Variants in PRPF31 observed in about 807,000 individuals in gnomAD.
PRPF31 encodes U4/U6 small nuclear ribonucleoprotein Prp31.
Under a neutral mutation model 60.4 loss-of-function variants are expected in PRPF31, and 12 were observed. The observed-to-expected ratio is 0.20, with a 90% CI of 0.13 to 0.32. The LOEUF (loss-of-function observed/expected upper bound fraction) is 0.32, where lower values mean the gene tolerates loss of function less well. PRPF31 is among the 10% of genes least tolerant of loss of function. The pLI is 1.00. For missense variants in PRPF31, 431 were observed against 687.1 expected, an observed-to-expected ratio of 0.63 and a Z score of 4.17; for synonymous variants, 287 against 287.9, an observed-to-expected ratio of 1.00 and a Z score of 0.03.
chr19:54,119,147 C>T (rs997534665), intron 3 of PRPF31, among the ~76,000 whole-genome samples: 2 of 152,096 alleles, frequency 1.3e-5, no homozygotes, highest in East Asian at 3.9e-4. Flanking sequence ...CTTTGGGAGG[C>T]GGAGGCAGGT....
At chr19:54,123,063 T>C in intron 5 of PRPF31, 1 of 452,820 alleles carries the variant, frequency 2.2e-6, no homozygotes, top group South Asian at 2.2e-5. Context: ...CAGGTGTGCG[T>C]GAGGGCGGGG....
At chr19:54,128,277 C>A in intron 10 of PRPF31, 28 bp from the exon 11 acceptor site, 1 of 1,551,532 alleles carries the variant, frequency 6.4e-7, no homozygotes, top group Non-Finnish European at 8.7e-7. Context: ...AGCCGACTCC[C>A]TGGCGCCGCC....
intron 1 of PRPF31, among the ~76,000 whole-genome samples, chr19:54,117,725 C>T (rs2073685181): frequency 6.6e-6 from 1 of 151,408 alleles, no homozygotes; most frequent in Admixed American, 6.6e-5. Context: ...GTGGCAGGTG[C>T]CTGTAGTCCC....
At chr19:54,120,890 A>G (rs1397199587) in intron 3 of PRPF31, among the ~76,000 whole-genome samples, 2 of 152,146 alleles carry the variant, frequency 1.3e-5, no homozygotes, top group African/African-American at 4.8e-5. Context: ...CTGGGATTAC[A>G]GGTATGAGCC....
chr19:54,117,740 A>AGGTGC, intron 1 of PRPF31, among the ~76,000 whole-genome samples: 1 of 151,934 alleles, frequency 6.6e-6, no homozygotes, highest in Admixed American at 6.6e-5. Context: ...AGTCCCAGCT[A>AGGTGC]CTCAGGAGGC....
chr19:54,118,157 G>A, intron 1 of PRPF31, 114 bp from the exon 2 acceptor site: 3 of 1,436,496 alleles, frequency 2.1e-6, no homozygotes, highest in Non-Finnish European at 2.0e-6. Context: ...GAGCCTGCAT[G>A]CTAGTGGGGT....
intron 11 of PRPF31, among the ~76,000 whole-genome samples, chr19:54,128,670 G>A (rs187106635): frequency 1.4e-3 from 213 of 152,186 alleles, no homozygotes; most frequent in Non-Finnish European, 2.3e-3. Context: ...CCTGCTGCAC[G>A]GCCGCCCCGT....
rs142560628 is a variant in PRPF31, at chr19:54,118,374, C to T, written c.96C>T (p.Ile32=). 33 of 1,613,864 alleles carry T rather than the reference C, an allele frequency of 2.0e-5. No individual in the cohort carries two copies. The highest frequency in any genetic ancestry group is 6.7e-5 in the East Asian group (3 of 44,900). The part of the protein sequence containing the change: ...SYGEEEEEPA[I]EDVQEETQLD... Reference sequence around the variant, plus strand: ...GGGAGGAAGAAGAGGAGCCAGCGATCGAGGATGTGCAGGAGGAGACACAGC... The same window carrying T: ...GGGAGGAAGAAGAGGAGCCAGCGATTGAGGATGTGCAGGAGGAGACACAGC... The change falls in exon 2 of 14, where the codon ATC becomes ATT. Residue 32 remains isoleucine, a synonymous_variant. Coordinates refer to ENST00000321030, the MANE Select transcript of PRPF31 (RefSeq NM_015629.4).
chr19:54,124,866 C>G, intron 8 of PRPF31: 1 of 627,408 alleles, frequency 1.6e-6, no homozygotes, highest in East Asian at 2.8e-5. Flanking sequence ...GAGGCATGAG[C>G]GCCCTGTGCC....
At chr19:54,125,603 C>G (rs1471502007) in intron 8 of PRPF31, among the ~76,000 whole-genome samples, 1 of 152,160 alleles carries the variant, frequency 6.6e-6, no homozygotes. Flanking sequence ...GCCCTGTGCC[C>G]TGCCTGGCCT....
intron 9 of PRPF31, 40 bp from the exon 10 acceptor site, chr19:54,128,033 C>T: frequency 1.9e-6 from 3 of 1,548,176 alleles, no homozygotes; most frequent in Non-Finnish European, 1.7e-6. Flanking sequence ...GTGGGCAGCC[C>T]ACGCGAGCAG....
chr19:54,122,192 C>T, intron 4 of PRPF31: 1 of 628,302 alleles, frequency 1.6e-6, no homozygotes, highest in Admixed American at 2.5e-5. Context: ...TGTTGGTCGG[C>T]CACCTGCCTC....
chr19:54,127,420 C>G (rs2073947033), intron 9 of PRPF31, among the ~76,000 whole-genome samples: 1 of 152,092 alleles, frequency 6.6e-6, no homozygotes, highest in South Asian at 2.1e-4. Flanking sequence ...TTTAAGGGCC[C>G]CTGTGGCTAT....
rs587693564 is a variant in PRPF31 at position 54,129,051 on chromosome 19, C to T, written c.1147-6C>T. On this transcript the variant is annotated splice_polypyrimidine_tract_variant and splice_region_variant and intron_variant, in intron 11 of 13. Coordinates refer to ENST00000321030, the MANE Select transcript of PRPF31 (RefSeq NM_015629.4). ...TGAACTGCAGGGCGCCTCCTCTCCC[C>T]CCTAGATCGAGGAGGACGCCTACCA... 1 of 1,567,908 alleles carries T rather than the reference C, an allele frequency of 6.4e-7. No homozygotes were observed. The highest frequency in any genetic ancestry group is 1.9e-5 in the Admixed American group (1 of 51,824).
At chr19:54,116,992 G>A (rs369830968) in intron 1 of PRPF31, among the ~76,000 whole-genome samples, 18 of 152,326 alleles carry the variant, frequency 1.2e-4, no homozygotes, top group African/African-American at 4.3e-4. Context: ...GCTATCGGGA[G>A]GCTGAGGCGG....
At chr19:54,128,894 G>T (rs587612568) in intron 11 of PRPF31, among the ~76,000 whole-genome samples, 163 bp from the exon 12 acceptor site, 5 of 152,342 alleles carry the variant, frequency 3.3e-5, no homozygotes, top group African/African-American at 1.2e-4. Flanking sequence ...CCCCGCGTGT[G>T]TGGGCCCCCA....
At position 54,124,985 on chromosome 19, in the gene PRPF31, G is replaced by T; in HGVS notation, c.855+329G>T. 1.0e-5 allele frequency: 5 copies of T among 488,078 alleles called. No homozygotes were observed. The South Asian group carries it at 1.1e-4, about 11-fold the overall frequency. 30.2% of individuals were successfully genotyped at this position (488,078 alleles called of 1,614,324 possible). A position where few individuals can be genotyped will look rare whatever the true frequency, so the allele number is the denominator to read the frequency against. On this transcript the variant is annotated intron_variant, in intron 8 of 13. Transcript: ENST00000321030. ...GTTCAGGCCTAGCTCACGACAAGCAGCGTCGGGTTAGCGTGCAACTGCTCC... is the reference window on the plus strand; with the variant it reads ...GTTCAGGCCTAGCTCACGACAAGCATCGTCGGGTTAGCGTGCAACTGCTCC...
chr19:54,129,410 CTTG>C (rs2074002106), intron 13 of PRPF31, 40 bp downstream of exon 13: 1 of 1,552,084 alleles, frequency 6.4e-7, no homozygotes, highest in African/African-American at 1.4e-5. Flanking sequence ...GCCCTGAGAC[CTTG>C]GCAAGGCCCC....
chr19:54,117,264 A>G (rs898828392), intron 1 of PRPF31, among the ~76,000 whole-genome samples: 2 of 152,204 alleles, frequency 1.3e-5, no homozygotes, highest in African/African-American at 4.8e-5. Context: ...AAGCAGCTTT[A>G]CTGATCAAAT....
Sources: gnomAD v4.1 joint callset for allele counts (sites outside exome capture counted in the v4.1 genomes callset) on GRCh38, gnomAD v4.1.1 for gene constraint, MANE v1.5 for transcripts, NCBI Gene and HGNC (gene_info 2026-07-23, HGNC 2026-07-21) for gene names.